Variants in ATG16L1 observed in about 807,000 individuals in gnomAD.
ATG16L1 encodes autophagy related 16 like 1.
ATG16L1 carries 37 observed loss-of-function variants against 88.5 expected under a neutral mutation model. The observed-to-expected ratio is 0.42, with a 90% CI of 0.32 to 0.55. ATG16L1 has a LOEUF of 0.55. Among genes scored for constraint, ATG16L1 ranks in the 20% least tolerant of loss-of-function variants. The pLI is 0.13. For synonymous variants in ATG16L1, 301 were observed against 281.0 expected, an observed-to-expected ratio of 1.07 and a Z score of -0.71; for missense variants, 554 against 752.8, an observed-to-expected ratio of 0.74 and a Z score of 3.09.
chr2:233,273,823 A>G (rs1698151566), intron 8 of ATG16L1, 46 bp downstream of exon 8: 1 of 1,586,316 alleles, frequency 6.3e-7, no homozygotes, highest in East Asian at 2.2e-5. Flanking sequence ...AAGTATACCT[A>G]AGTATATGTA....
intron 12 of ATG16L1, among the ~76,000 whole-genome samples, chr2:233,284,019 AT>A (rs1341674074): frequency 4.6e-5 from 5 of 108,230 alleles, no homozygotes; most frequent in Admixed American, 9.9e-5. Flanking sequence ...TAATTTTTGT[AT>A]TTTTTTTTAG....
At chr2:233,284,192 A>T (rs766711165) in intron 12 of ATG16L1, among the ~76,000 whole-genome samples, 1 of 149,734 alleles carries the variant, frequency 6.7e-6, no homozygotes, top group Non-Finnish European at 1.5e-5. Flanking sequence ...CCTGTTGCCC[A>T]GGCTGGAGTG....
At chr2:233,279,114 G>C (rs914475558) in intron 10 of ATG16L1, among the ~76,000 whole-genome samples, 7 of 152,164 alleles carry the variant, frequency 4.6e-5, no homozygotes, top group African/African-American at 1.7e-4. Context: ...GGAGTGAGAG[G>C]CTGCTGTGAG....
At chr2:233,289,542 C>G (rs1407671672) in intron 12 of ATG16L1, among the ~76,000 whole-genome samples, 2 of 152,142 alleles carry the variant, frequency 1.3e-5, no homozygotes, top group Non-Finnish European at 2.9e-5. Context: ...CATGCCACCA[C>G]TCCCTGCAAA....
chr2:233,254,731 C>T (rs1696653405), intron 1 of ATG16L1, among the ~76,000 whole-genome samples: 1 of 152,180 alleles, frequency 6.6e-6, no homozygotes, highest in Non-Finnish European at 1.5e-5. Context: ...AACCAATGTC[C>T]AGTTTGGCTA....
At chr2:233,251,963 C>G (rs1696400208) in intron 1 of ATG16L1, 21 bp downstream of exon 1, 29 of 1,518,020 alleles carry the variant, frequency 1.9e-5, no homozygotes, top group Non-Finnish European at 2.6e-5. Flanking sequence ...CCGGTGCGGG[C>G]TGGGAGTGGG....
chr2:233,264,090 G>A (rs1697398729), intron 4 of ATG16L1, 25 bp downstream of exon 4: 7 of 1,613,110 alleles, frequency 4.3e-6, no homozygotes, highest in Non-Finnish European at 5.9e-6. Flanking sequence ...CGCCTCCTTG[G>A]AGCCTGGTCA....
chr2:233,263,133 C>T lies in ATG16L1; in HGVS notation c.213C>T (p.Pro71=), dbSNP rs374551406. ...HDVPNRHEIS[P]GHDGTWNDNQ... is the part of the protein sequence containing the mutation. ...TCTGCCTGGTTTGCCAATTTAGTCC[C>T]GGACATGATGGCACATGGAATGACA... The change falls in exon 3 of 18, where the codon CCC becomes CCT. Residue 71 remains proline (P), a synonymous_variant. Coordinates refer to ENST00000392017, the MANE Select transcript of ATG16L1 (RefSeq NM_030803.7). 30 of 1,613,876 alleles carry T rather than the reference C, an allele frequency of 1.9e-5. No individual in the cohort carries two copies. The East Asian group carries it at 2.5e-4, about 13-fold the overall frequency.
chr2:233,254,973 A>G (rs1269300949), intron 1 of ATG16L1, among the ~76,000 whole-genome samples: 3 of 49,340 alleles, frequency 6.1e-5, no homozygotes, highest in Non-Finnish European at 1.9e-4. Context: ...TCATTTGTTT[A>G]TTTATTTATT....
Position 233,294,422 on chromosome 2 carries a change from C to T in ATG16L1, c.*72C>T. ...GCACATGGGCTCCTGCAGCCCTGTC[C>T]TGGCAGGTGATGTGCTGGGTATAGC... On this transcript the variant is annotated 3_prime_UTR_variant, in exon 18 of 18. Transcript: ENST00000392017. 1 of 1,273,708 alleles carries T rather than the reference C, an allele frequency of 7.9e-7. No individual in the cohort carries two copies. Among genetic ancestry groups the T allele is most frequent in the Non-Finnish European group, 1.1e-6 (1 of 891,084 alleles). 78.9% of individuals were successfully genotyped at this position (1,273,708 alleles called of 1,614,324 possible).
chr2:233,269,408 G>A (rs1432682607), intron 5 of ATG16L1, among the ~76,000 whole-genome samples: 1 of 152,116 alleles, frequency 6.6e-6, no homozygotes, highest in African/African-American at 2.4e-5. Flanking sequence ...ACTCCACAAT[G>A]CTCCAGAATC....
At chr2:233,292,635 G>A (rs1047679484) in intron 16 of ATG16L1, among the ~76,000 whole-genome samples, 2 of 152,196 alleles carry the variant, frequency 1.3e-5, no homozygotes, top group African/African-American at 2.4e-5. Flanking sequence ...TGAACCTAAC[G>A]TGTTGTACCA....
At chr2:233,261,795 A>G (rs1697236556) in intron 2 of ATG16L1, among the ~76,000 whole-genome samples, 1 of 152,206 alleles carries the variant, frequency 6.6e-6, no homozygotes, top group Admixed American at 6.5e-5. Context: ...CTCGAACTAT[A>G]AATCCACAGT....
chr2:233,276,064 C>G (rs1053059000), intron 9 of ATG16L1: 1 of 470,000 alleles, frequency 2.1e-6, no homozygotes, highest in African/African-American at 2.0e-5. Flanking sequence ...AAGGTTTGGT[C>G]ACCTGTCATA....
intron 2 of ATG16L1, among the ~76,000 whole-genome samples, chr2:233,259,053 C>T (rs1316734938): frequency 6.6e-6 from 1 of 152,098 alleles, no homozygotes; most frequent in Non-Finnish European, 1.5e-5. Context: ...TCAGCCCACA[C>T]ACAGCAAGTT....
chr2:233,252,108 T>A (rs1249214346), intron 1 of ATG16L1, among the ~76,000 whole-genome samples, 166 bp downstream of exon 1: 4 of 152,234 alleles, frequency 2.6e-5, no homozygotes, highest in African/African-American at 7.2e-5. Flanking sequence ...ATGTTTTTTC[T>A]AACCTGCGTT....
chr2:233,288,707 C>T, intron 12 of ATG16L1: 1 of 513,306 alleles, frequency 1.9e-6, no homozygotes, highest in Middle Eastern at 3.2e-4. Flanking sequence ...GGTCTGAGTC[C>T]TCAGATCCCC....
At chr2:233,293,498 G>T (rs1699606460) in intron 17 of ATG16L1, 141 bp downstream of exon 17, 1 of 737,588 alleles carries the variant, frequency 1.4e-6, no homozygotes, top group Non-Finnish European at 2.4e-6. Flanking sequence ...AGCTAGGTCA[G>T]TGGAGAGAAG....
intron 2 of ATG16L1, among the ~76,000 whole-genome samples, chr2:233,257,682 T>G (rs765163697): frequency 7.2e-5 from 11 of 152,184 alleles, no homozygotes; most frequent in Admixed American, 1.3e-4. Context: ...TGCAGTAAGC[T>G]CTTATTTTTC....
Sources: allele counts gnomAD v4.1 joint callset (sites outside exome capture counted in the v4.1 genomes callset), GRCh38; gene constraint gnomAD v4.1.1; transcripts MANE v1.5; gene names NCBI Gene and HGNC (gene_info 2026-07-23, HGNC 2026-07-21).